The following MACROH2A1 variants were observed in gnomAD, a reference collection of about 807,000 sequenced individuals.
MACROH2A1 encodes core histone macro-H2A.1.
MACROH2A1 carries 2 observed loss-of-function variants against 31.6 expected under a neutral mutation model. The observed-to-expected ratio is 0.06, with a 90% CI of 0.03 to 0.20. The LOEUF (loss-of-function observed/expected upper bound fraction) is 0.20. Among genes scored for constraint, MACROH2A1 ranks in the 10% least tolerant of loss-of-function variants. MACROH2A1 has a pLI of 1.00. For missense variants in MACROH2A1, 230 were observed against 474.0 expected (o/e 0.49, Z 4.78); for synonymous variants, 169 against 189.6 (o/e 0.89, Z 0.89).
At chr5:135,338,989 A>G (rs1294350515) in intron 8 of MACROH2A1, among the ~76,000 whole-genome samples, 1 of 152,128 alleles carries the variant, frequency 6.6e-6, no homozygotes, top group Non-Finnish European at 1.5e-5. Flanking sequence ...TACTGCGGCC[A>G]CCATCAGCCC....
rs116201843 is a variant in MACROH2A1, at chr5:135,381,898, A to G, written c.172+7024T>C. ...AATCTGTGTTCCATAAGAAGTGACTAGTATAAACTGTTTGAAGAAATGATG... is the reference window on the plus strand; with the variant it reads ...AATCTGTGTTCCATAAGAAGTGACTGGTATAAACTGTTTGAAGAAATGATG... On this transcript the variant is annotated intron_variant, in intron 2 of 8. Coordinates refer to ENST00000511689, the MANE Select transcript of MACROH2A1 (RefSeq NM_138610.3). 4.1e-3 allele frequency among the ~76,000 whole-genome samples: 620 copies of G among 152,376 alleles called. 3 individuals carry two copies. Among genetic ancestry groups the G allele is most frequent in the African/African-American group, 0.014 (587 of 41,586 alleles).
chr5:135,379,788 C>A (rs1218215976), intron 2 of MACROH2A1, among the ~76,000 whole-genome samples: 1 of 152,190 alleles, frequency 6.6e-6, no homozygotes, highest in African/African-American at 2.4e-5. Context: ...TGATGGTCAT[C>A]CACGGAGGAC....
chr5:135,343,687 C>A, intron 7 of MACROH2A1: 1 of 528,920 alleles, frequency 1.9e-6, no homozygotes. Flanking sequence ...AAGCCTCTCT[C>A]CACTCTCAGA....
At chr5:135,335,535 T>A (rs1758503782) in intron 8 of MACROH2A1, among the ~76,000 whole-genome samples, 1 of 152,156 alleles carries the variant, frequency 6.6e-6, no homozygotes, top group Non-Finnish European at 1.5e-5. Flanking sequence ...CCCCAGGGGA[T>A]GGCTGCAGGT....
chr5:135,383,459 A>G (rs1259177948), intron 2 of MACROH2A1, among the ~76,000 whole-genome samples: 4 of 152,214 alleles, frequency 2.6e-5, no homozygotes, highest in Non-Finnish European at 5.9e-5. Context: ...TCAATTTTCA[A>G]ACAAATTACT....
At chr5:135,352,161 T>C (rs946133197) in intron 6 of MACROH2A1, among the ~76,000 whole-genome samples, 3 of 152,236 alleles carry the variant, frequency 2.0e-5, no homozygotes, top group African/African-American at 4.8e-5. Flanking sequence ...GGAGGCTGCA[T>C]CTGTGTGCCT....
chr5:135,380,607 A>C lies in MACROH2A1; in HGVS notation c.172+8315T>G, dbSNP rs569832086. ...CAGGCAGGCCTCAACTCACAGTCCC[A>C]TGTCAGCCTCGAGGTTAGCTGAGGG... is the stretch of plus-strand genomic sequence containing the variant. On this transcript the variant is annotated intron_variant, in intron 2 of 8. Transcript: ENST00000511689. Among the ~76,000 whole-genome samples, 6 of 152,280 alleles carry C rather than the reference A, an allele frequency of 3.9e-5. No homozygotes were observed. In the South Asian group the frequency reaches 1.0e-3, roughly 26 times the overall value.
intron 4 of MACROH2A1, among the ~76,000 whole-genome samples, chr5:135,366,433 C>T (rs1763509061): frequency 1.3e-5 from 2 of 152,104 alleles, no homozygotes; most frequent in Non-Finnish European, 2.9e-5. Context: ...ACTTGTGTTA[C>T]ATCTCCTTTT....
chr5:135,398,740 G>A lies in MACROH2A1; in HGVS notation c.-34+322C>T, dbSNP rs555011235. On this transcript the variant is annotated intron_variant, in intron 1 of 8. Coordinates refer to ENST00000511689, the MANE Select transcript of MACROH2A1 (RefSeq NM_138610.3). The surrounding 1 kb of genome is among the most constrained non-coding windows in gnomAD (Gnocchi z 4.6). The stretch of plus-strand genomic sequence containing the variant: ...GGCCTGGCCCGTGAGCCCGCCCCAG[G>A]AAGGGTCGCCAGGGTAGGCGCCAGC... Among the ~76,000 whole-genome samples the A allele has an allele frequency of 1.2e-4, 18 of 152,354 alleles. No homozygotes were observed. The highest frequency in any genetic ancestry group is 4.1e-4 in the African/African-American group (17 of 41,596).
intron 4 of MACROH2A1, chr5:135,362,675 T>G (rs909148296): frequency 6.6e-6 from 1 of 152,244 alleles, no homozygotes; most frequent in Non-Finnish European, 1.5e-5. Flanking sequence ...TACCTTTTCC[T>G]TAACAGTTAT....
chr5:135,348,667 T>G (rs543123825), intron 6 of MACROH2A1, among the ~76,000 whole-genome samples: 1 of 152,206 alleles, frequency 6.6e-6, no homozygotes, highest in Non-Finnish European at 1.5e-5. Context: ...ATCATTGGGA[T>G]TGTAAAAGAT....
At chr5:135,341,345 A>AG (rs550741359) in intron 8 of MACROH2A1, among the ~76,000 whole-genome samples, 18,863 of 152,208 alleles carry the variant, frequency 0.12, 1,791 homozygotes, top group African/African-American at 0.27. Context: ...AGGCCAGGGA[A>AG]GGGGGAGGCA....
intron 2 of MACROH2A1, among the ~76,000 whole-genome samples, chr5:135,371,889 G>A (rs1764212882): frequency 6.6e-6 from 1 of 152,118 alleles, no homozygotes; most frequent in Non-Finnish European, 1.5e-5. Flanking sequence ...AATTCTAGCT[G>A]CATAAAAATC....
intron 2 of MACROH2A1, among the ~76,000 whole-genome samples, chr5:135,385,416 G>T (rs1053331697): frequency 1.3e-5 from 2 of 152,204 alleles, no homozygotes; most frequent in Admixed American, 6.5e-5. Context: ...AAGCCCTTTG[G>T]GGGTGGGGAT....
intron 8 of MACROH2A1, among the ~76,000 whole-genome samples, chr5:135,338,924 G>C (rs1742169480): frequency 6.6e-6 from 1 of 152,204 alleles, no homozygotes; most frequent in African/African-American, 2.4e-5. Flanking sequence ...CTAGAAATTA[G>C]GTGTTTCAGG....
chr5:135,349,546 G>A (rs1279039308), intron 6 of MACROH2A1, among the ~76,000 whole-genome samples: 1 of 152,118 alleles, frequency 6.6e-6, no homozygotes, highest in Non-Finnish European at 1.5e-5. Flanking sequence ...AGTGGCTGGG[G>A]AAGACTGAAC....
chr5:135,345,994 T>C lies in MACROH2A1; in HGVS notation c.752A>G (p.Lys251Arg), dbSNP rs762867922. Residue 251 changes from lysine (K) to arginine (R), a missense_variant, in exon 7 of 9, where the codon AAG becomes AGG. Lys to Arg is a conservative substitution (Grantham distance 26, BLOSUM62 2). Around this residue, in one of 2 missense-constraint regions of MACROH2A1, gnomAD observed 183 missense variants for 319.3 expected, o/e 0.57. Coordinates refer to ENST00000511689, the MANE Select transcript of MACROH2A1 (RefSeq NM_138610.3). The stretch of plus-strand genomic sequence containing the variant: ...TCCAGCTACTTCCAAGGGCCCGTTC[T>C]TTTTCCGGAGTTCCAGGACAGCTTC... ...FVEAVLELRK[K>R]NGPLEVAGAA... 1.9e-6 allele frequency: 3 copies of C among 1,612,900 alleles called. No individual in the cohort carries two copies. The East Asian group carries it at 6.7e-5, about 36-fold the overall frequency.
At position 135,369,450 on chromosome 5, in the gene MACROH2A1, C is replaced by T; in HGVS notation, c.433G>A (p.Val145Ile). The stretch of plus-strand genomic sequence containing the variant: ...TTCTTGCCTCCTGCTTTTTTAGATA[C>T]AGGCTTCTTCTGGGATGGAGACTTG... ...KAKSPSQKKP[V>I]SKKAGGKKGA... Residue 145 changes from valine to isoleucine, a missense_variant, in exon 4 of 9, where the codon GTA becomes ATA. Physicochemically the swap from Val to Ile is conservative, Grantham distance 29. Transcript: ENST00000511689. This position sits in a 1 kb window ranked among gnomAD's most constrained non-coding sequence, Gnocchi z 4.3. The T allele has an allele frequency of 6.2e-7, 1 of 1,614,200 alleles. No homozygotes were observed. Among genetic ancestry groups the T allele is most frequent in the Non-Finnish European group, 8.5e-7 (1 of 1,180,036 alleles).
At chr5:135,354,876 C>G (rs1450414992) in intron 5 of MACROH2A1, 1 of 362,230 alleles carries the variant, frequency 2.8e-6, no homozygotes, top group Admixed American at 3.7e-5. Flanking sequence ...AAACACACCC[C>G]ACACAGTGTG....
Sources: allele counts gnomAD v4.1 joint callset (sites outside exome capture counted in the v4.1 genomes callset), GRCh38; gene constraint gnomAD v4.1.1; regional missense constraint gnomAD v4.1.1; non-coding constraint Gnocchi (gnomAD v3.1); transcripts MANE v1.5; gene names NCBI Gene and HGNC (gene_info 2026-07-23, HGNC 2026-07-21).